Variants in NDFIP2 observed in about 807,000 individuals in gnomAD.
NDFIP2 encodes the protein Nedd4 family interacting protein 2.
In NDFIP2, 19 loss-of-function variants were observed where a neutral mutation model predicts 36.0. That is an observed-to-expected ratio of 0.53 (90% confidence interval 0.37 to 0.77). The LOEUF is 0.77. NDFIP2 is among the 30% of genes least tolerant of loss of function. NDFIP2 has a pLI of 0.00. For missense variants in NDFIP2, 446 were observed against 435.8 expected (o/e 1.02, Z -0.21); for synonymous variants, 181 against 167.7 (o/e 1.08, Z -0.61).
At chr13:79,519,045 A>G (rs1263213193) in intron 1 of NDFIP2, 1 of 152,226 alleles carries the variant, frequency 6.6e-6, no homozygotes, top group Non-Finnish European at 1.5e-5. Flanking sequence ...GAGCTCGAGC[A>G]GTCCGCTTCC....
At chr13:79,547,527 T>TGG (rs1875734869) in intron 5 of NDFIP2, among the ~76,000 whole-genome samples, 2 of 152,152 alleles carry the variant, frequency 1.3e-5, no homozygotes, top group Non-Finnish European at 2.9e-5. Flanking sequence ...CTGAAGTAAC[T>TGG]GAAGAAAATT....
intron 1 of NDFIP2, among the ~76,000 whole-genome samples, chr13:79,516,999 G>A (rs1320361359): frequency 1.3e-5 from 2 of 152,180 alleles, no homozygotes; most frequent in African/African-American, 4.8e-5. Flanking sequence ...CTTCCAGCTA[G>A]AGTTAATCAT....
intron 1 of NDFIP2, among the ~76,000 whole-genome samples, chr13:79,487,778 CA>C: frequency 6.6e-6 from 1 of 152,156 alleles, no homozygotes; most frequent in African/African-American, 2.4e-5. Context: ...CTGTTCTTAG[CA>C]TACAAGTTTT....
At chr13:79,531,547 TAG>T (rs1397818192) in intron 2 of NDFIP2, among the ~76,000 whole-genome samples, 1 of 152,198 alleles carries the variant, frequency 6.6e-6, no homozygotes, top group African/African-American at 2.4e-5. Flanking sequence ...TCAATGATCT[TAG>T]CTAGATCTTC....
chr13:79,511,760 C>T (rs527774218), intron 1 of NDFIP2, among the ~76,000 whole-genome samples: 2 of 152,248 alleles, frequency 1.3e-5, no homozygotes, highest in South Asian at 4.1e-4. Context: ...AGCATATTTC[C>T]TAAATATCAA....
chr13:79,527,524 A>G (rs1874848650), intron 2 of NDFIP2, among the ~76,000 whole-genome samples: 1 of 152,208 alleles, frequency 6.6e-6, no homozygotes, highest in South Asian at 2.1e-4. Context: ...TGTGTATACA[A>G]TGGTGCTGAA....
chr13:79,487,211 C>T (rs942621127), intron 1 of NDFIP2, among the ~76,000 whole-genome samples: 7 of 152,174 alleles, frequency 4.6e-5, no homozygotes, highest in African/African-American at 1.7e-4. Context: ...ATTCATACCC[C>T]CCAGGTGACT....
At chr13:79,483,240 A>T (rs1260220261) in intron 1 of NDFIP2, among the ~76,000 whole-genome samples, 1 of 152,118 alleles carries the variant, frequency 6.6e-6, no homozygotes, top group Non-Finnish European at 1.5e-5. Context: ...TTTAGGTAGG[A>T]CATCGATCTG....
chr13:79,552,342 A>T (rs1011932468), intron 7 of NDFIP2, among the ~76,000 whole-genome samples, 174 bp from the exon 8 acceptor site: 1 of 151,590 alleles, frequency 6.6e-6, no homozygotes, highest in East Asian at 1.9e-4. Flanking sequence ...TATTTTCTAG[A>T]TGAAAATCTG....
intron 1 of NDFIP2, among the ~76,000 whole-genome samples, chr13:79,516,232 A>G (rs1405469576): frequency 1.3e-5 from 2 of 151,830 alleles, no homozygotes; most frequent in Non-Finnish European, 1.5e-5. Context: ...GGTAGCTCCA[A>G]TAGTAAAAAA....
In NDFIP2 at chr13:79,550,241, T is replaced by G. The variant is rs181740791; in HGVS notation, c.908-776T>G. On this transcript the variant is annotated intron_variant, in intron 6 of 7. Transcript: ENST00000218652. ...AATGTTTTATACTTATCTAATATTTTTTATGTGAAACTTTAGAGAATTTTA... is the reference window on the plus strand; with the variant it reads ...AATGTTTTATACTTATCTAATATTTGTTATGTGAAACTTTAGAGAATTTTA... Among the ~76,000 whole-genome samples the G allele has an allele frequency of 4.1e-3, 625 of 151,936 alleles. 7 individuals carry two copies. The highest frequency in any genetic ancestry group is 0.014 in the African/African-American group (601 of 41,530).
In NDFIP2 at chr13:79,551,066, C is replaced by T; in HGVS notation, c.957C>T (p.Asn319=). Residue 319 remains asparagine (N), a synonymous_variant, in exon 7 of 8, where the codon AAC becomes AAT. Transcript: ENST00000218652. Reference sequence around the variant, plus strand: ...TTGTTAATTATCTAAAAGTCAGAAACATGTCTGAAAGTATGGCAGCTGCTC... The same window carrying T: ...TTGTTAATTATCTAAAAGTCAGAAATATGTCTGAAAGTATGGCAGCTGCTC... ...RGFVNYLKVR[N]MSESMAAAHR... 1.9e-6 allele frequency: 3 copies of T among 1,605,108 alleles called. No individual in the cohort carries two copies. The highest frequency in any genetic ancestry group is 2.6e-6 in the Non-Finnish European group (3 of 1,175,200).
At chr13:79,498,762 C>T (rs933427285) in intron 1 of NDFIP2, among the ~76,000 whole-genome samples, 2 of 151,990 alleles carry the variant, frequency 1.3e-5, no homozygotes, top group African/African-American at 4.8e-5. Flanking sequence ...GAGATTACAC[C>T]TCTCAACATT....
intron 1 of NDFIP2, among the ~76,000 whole-genome samples, chr13:79,500,983 A>G (rs553200330): frequency 6.6e-6 from 1 of 152,216 alleles, no homozygotes; most frequent in African/African-American, 2.4e-5. Context: ...ATTATTCAGA[A>G]CCAGAATGAA....
At chr13:79,508,907 C>G (rs1270925886) in intron 1 of NDFIP2, among the ~76,000 whole-genome samples, 1 of 152,194 alleles carries the variant, frequency 6.6e-6, no homozygotes, top group Non-Finnish European at 1.5e-5. Context: ...AACTCCAACT[C>G]TCTTCTTTTC....
chr13:79,518,456 C>T (rs961934451), intron 1 of NDFIP2, among the ~76,000 whole-genome samples: 8 of 152,024 alleles, frequency 5.3e-5, no homozygotes, highest in Non-Finnish European at 7.4e-5. Flanking sequence ...GATCATTTAC[C>T]AAGACATGGA....
chr13:79,483,435 T>C (rs1193012392), intron 1 of NDFIP2, among the ~76,000 whole-genome samples: 1 of 152,178 alleles, frequency 6.6e-6, no homozygotes, highest in Non-Finnish European at 1.5e-5. Context: ...CTTTTTAAAC[T>C]AGGGATCAGT....
chr13:79,514,153 A>G (rs879680507), intron 1 of NDFIP2, among the ~76,000 whole-genome samples: 3 of 152,134 alleles, frequency 2.0e-5, no homozygotes, highest in Admixed American at 6.5e-5. Context: ...CCTTTAATGT[A>G]TTAGGTTGGT....
chr13:79,551,571 CT>C (rs1875911601), intron 7 of NDFIP2, among the ~76,000 whole-genome samples: 1 of 151,510 alleles, frequency 6.6e-6, no homozygotes, highest in South Asian at 2.1e-4. Context: ...AACAATTTGT[CT>C]TGCAGTCCTT....
Sources: gnomAD v4.1 joint callset for allele counts (sites outside exome capture counted in the v4.1 genomes callset) on GRCh38, gnomAD v4.1.1 for gene constraint, MANE v1.5 for transcripts, NCBI Gene and HGNC (gene_info 2026-07-23, HGNC 2026-07-21) for gene names.